PRKN: variants seen among roughly 807,000 people sequenced by gnomAD.
PRKN encodes the protein parkin RBR E3 ubiquitin protein ligase, also known as E3 ubiquitin-protein ligase parkin.
A neutral mutation model predicts 59.5 loss-of-function variants in PRKN; 56 were observed. The observed-to-expected ratio is 0.94, with a 90% CI of 0.76 to 1.18. The LOEUF (loss-of-function observed/expected upper bound fraction) is 1.18, where lower values mean the gene tolerates loss of function less well. Ranked by LOEUF, PRKN falls within the 50% of genes most tolerant of loss-of-function variation. The probability of loss-of-function intolerance (pLI) is 0.00; values close to 1 mark genes in which losing one functional copy is unlikely to be tolerated. For missense variants in PRKN, 657 were observed against 596.4 expected (o/e 1.10, Z -1.06); for synonymous variants, 250 against 222.1 (o/e 1.13, Z -1.12).
chr6:162,405,221 A>G (rs1042333740), intron 2 of PRKN, among the ~76,000 whole-genome samples: 1 of 152,158 alleles, frequency 6.6e-6, no homozygotes, highest in African/African-American at 2.4e-5. Flanking sequence ...TAAACATCCT[A>G]AATCTCTAGT....
intron 2 of PRKN, among the ~76,000 whole-genome samples, chr6:162,409,086 G>A (rs1273963983): frequency 6.6e-6 from 1 of 152,094 alleles, no homozygotes; most frequent in Non-Finnish European, 1.5e-5. Context: ...CATAGATGGG[G>A]TAATGTGCAT....
intron 7 of PRKN, among the ~76,000 whole-genome samples, chr6:161,759,454 A>G (rs1789097092): frequency 6.6e-6 from 1 of 152,082 alleles, no homozygotes; most frequent in South Asian, 2.1e-4. Context: ...TAATGGAACA[A>G]TTATGTCCCA....
chr6:162,237,747 A>C (rs1425214494), intron 3 of PRKN, among the ~76,000 whole-genome samples: 4 of 152,050 alleles, frequency 2.6e-5, no homozygotes, highest in Non-Finnish European at 4.4e-5. Flanking sequence ...GTGAACATGA[A>C]CTGTCATAAA....
chr6:161,487,845 C>T lies in PRKN; in HGVS notation c.1083+61009G>A, dbSNP rs1777384231. ...TCAGTGAATGAATGAATGGAATTTC[C>T]TGCCCTGCTCCTTGCCTCCCTCCCT... On this transcript the variant is annotated intron_variant, in intron 9 of 11. Transcript: ENST00000366898. This position sits in a 1 kb window ranked among gnomAD's most constrained non-coding sequence, Gnocchi z 5.3. Among the ~76,000 whole-genome samples, 1 of 152,152 alleles carries T rather than the reference C, an allele frequency of 6.6e-6. No homozygotes were observed. Among genetic ancestry groups the T allele is most frequent in the Non-Finnish European group, 1.5e-5 (1 of 68,028 alleles).
chr6:161,696,675 GC>G (rs2128177541), intron 7 of PRKN, among the ~76,000 whole-genome samples: 1 of 152,076 alleles, frequency 6.6e-6, no homozygotes, highest in Non-Finnish European at 1.5e-5. Context: ...CCCAATCAGT[GC>G]ATTTCAAGTA....
chr6:162,089,975 T>C (rs555077539), intron 4 of PRKN, among the ~76,000 whole-genome samples: 1 of 152,294 alleles, frequency 6.6e-6, no homozygotes, highest in Admixed American at 6.5e-5. Flanking sequence ...ATGGTGTTGA[T>C]GATTACACAA....
At chr6:162,537,875 G>A (rs1321661097) in intron 1 of PRKN, among the ~76,000 whole-genome samples, 1 of 152,160 alleles carries the variant, frequency 6.6e-6, no homozygotes, top group Non-Finnish European at 1.5e-5. Flanking sequence ...GAAAACACAA[G>A]TCATCAGGTT....
At chr6:161,943,079 C>G (rs1469503648) in intron 6 of PRKN, among the ~76,000 whole-genome samples, 1 of 152,206 alleles carries the variant, frequency 6.6e-6, no homozygotes. Flanking sequence ...TTTAAAGATG[C>G]CTTCTTAAGG....
intron 7 of PRKN, among the ~76,000 whole-genome samples, chr6:161,609,133 T>C (rs961953593): frequency 1.3e-5 from 2 of 152,230 alleles, no homozygotes; most frequent in African/African-American, 2.4e-5. Context: ...AGGTCCCATA[T>C]GTCCAATTAT....
chr6:162,298,621 C>G (rs1236547693), intron 2 of PRKN, among the ~76,000 whole-genome samples: 1 of 144,046 alleles, frequency 6.9e-6, no homozygotes, highest in Non-Finnish European at 1.5e-5. Context: ...CCCCCACCAC[C>G]CCCCACCCCC....
At chr6:162,596,122 T>C (rs958105976) in intron 1 of PRKN, among the ~76,000 whole-genome samples, 1 of 152,120 alleles carries the variant, frequency 6.6e-6, no homozygotes, top group Non-Finnish European at 1.5e-5. Context: ...GCAGGTCAAA[T>C]AACAACATAT....
intron 2 of PRKN, among the ~76,000 whole-genome samples, chr6:162,405,652 C>T (rs1191154530): frequency 6.6e-6 from 1 of 152,106 alleles, no homozygotes; most frequent in African/African-American, 2.4e-5. Context: ...TTAGGGTGGA[C>T]CCGAATCTAA....
In PRKN at chr6:162,604,134, C is replaced by T. The variant is rs546133742; in HGVS notation, c.7+123528G>A. On this transcript the variant is annotated intron_variant, in intron 1 of 11. Coordinates refer to ENST00000366898, the MANE Select transcript of PRKN (RefSeq NM_004562.3). ...ATTGCACCTGTCTGACCACAGCAAC[C>T]TTTCCTCTCTTAACAGTAAAGCTTC... is the stretch of plus-strand genomic sequence containing the variant. Among the ~76,000 whole-genome samples the T allele has an allele frequency of 7.9e-5, 12 of 152,322 alleles. No individual in the cohort carries two copies. In the South Asian group the frequency reaches 1.7e-3, roughly 21 times the overall value.
At chr6:162,108,931 T>C (rs1414309818) in intron 4 of PRKN, among the ~76,000 whole-genome samples, 1 of 152,158 alleles carries the variant, frequency 6.6e-6, no homozygotes, top group Admixed American at 6.5e-5. Context: ...TCAGTGGTGT[T>C]AAAAAGCAAT....
intron 6 of PRKN, among the ~76,000 whole-genome samples, chr6:161,946,671 A>C (rs1779794654): frequency 6.6e-6 from 1 of 152,122 alleles, no homozygotes; most frequent in Non-Finnish European, 1.5e-5. Flanking sequence ...AGTTATTTTT[A>C]TGGCTTGGAA....
intron 4 of PRKN, among the ~76,000 whole-genome samples, chr6:162,103,543 T>C (rs1780065720): frequency 6.6e-6 from 1 of 151,908 alleles, no homozygotes; most frequent in African/African-American, 2.4e-5. Context: ...CAGAAGTCTC[T>C]AACTTGATAA....
chr6:162,149,283 C>T (rs1466389828), intron 4 of PRKN, among the ~76,000 whole-genome samples: 1 of 152,052 alleles, frequency 6.6e-6, no homozygotes, highest in East Asian at 1.9e-4. Flanking sequence ...CTCACTCTGT[C>T]ACCCAGGCTG....
intron 5 of PRKN, among the ~76,000 whole-genome samples, chr6:162,030,035 T>G (rs940182518): frequency 6.6e-6 from 1 of 152,078 alleles, no homozygotes; most frequent in African/African-American, 2.4e-5. Context: ...AGATGGGCTC[T>G]CTCTATGTTG....
chr6:162,457,693 G>A (rs963663560), intron 1 of PRKN, among the ~76,000 whole-genome samples: 1 of 152,078 alleles, frequency 6.6e-6, no homozygotes, highest in Admixed American at 6.6e-5. Context: ...ACAAACTCTG[G>A]GGCTCACACT....
Sources: gnomAD v4.1 joint callset for allele counts (sites outside exome capture counted in the v4.1 genomes callset) on GRCh38, gnomAD v4.1.1 for gene constraint, Gnocchi (gnomAD v3.1) non-coding constraint, MANE v1.5 for transcripts, NCBI Gene and HGNC (gene_info 2026-07-23, HGNC 2026-07-21) for gene names.